Variants in GARNL3 observed in about 807,000 individuals in gnomAD.
GARNL3 encodes the protein GTPase-activating Rap/Ran-GAP domain-like protein 3.
A neutral mutation model predicts 125.0 loss-of-function variants in GARNL3; 63 were observed. The ratio of observed to expected loss-of-function variants is 0.50; its 90% CI spans 0.41 to 0.62. The LOEUF is 0.62. Among genes scored for constraint, GARNL3 ranks in the 20% least tolerant of loss-of-function variants. The pLI, the probability that GARNL3 is intolerant of heterozygous loss-of-function variation, is 0.00. For synonymous variants in GARNL3, 439 were observed against 457.5 expected (o/e 0.96, Z 0.52); for missense variants, 994 against 1,244.0 (o/e 0.80, Z 3.02).
At chr9:127,300,308 C>A (rs912388201) in intron 2 of GARNL3, 2 of 251,014 alleles carry the variant, frequency 8.0e-6, no homozygotes. Context: ...TTACATGTTT[C>A]TTCTCTGTTG....
intron 25 of GARNL3, among the ~76,000 whole-genome samples, chr9:127,387,633 C>G (rs1832613637): frequency 6.6e-6 from 1 of 151,190 alleles, no homozygotes; most frequent in African/African-American, 2.4e-5. Flanking sequence ...ATCCCAGCTA[C>G]TTGGGAGGCT....
chr9:127,338,022 G>C (rs1829646543), intron 11 of GARNL3, 94 bp from the exon 12 acceptor site: 1 of 921,144 alleles, frequency 1.1e-6, no homozygotes, highest in South Asian at 1.3e-5. Context: ...CAGAAGCGCT[G>C]GTCGAGAATG....
intron 2 of GARNL3, among the ~76,000 whole-genome samples, chr9:127,244,590 C>T (rs1209644283): frequency 6.6e-6 from 1 of 152,130 alleles, no homozygotes; most frequent in Non-Finnish European, 1.5e-5. Context: ...CGTTGAGAAA[C>T]GCTGCTCTTA....
intron 2 of GARNL3, among the ~76,000 whole-genome samples, chr9:127,302,259 C>T (rs1438384718): frequency 6.6e-6 from 1 of 152,018 alleles, no homozygotes; most frequent in Non-Finnish European, 1.5e-5. Flanking sequence ...CTGTTATACA[C>T]TGTTGGAGGA....
At chr9:127,294,020 G>A (rs912339181) in intron 2 of GARNL3, among the ~76,000 whole-genome samples, 1 of 152,100 alleles carries the variant, frequency 6.6e-6, no homozygotes, top group Non-Finnish European at 1.5e-5. Flanking sequence ...TGGTGGTGGA[G>A]GTGGTTTCTT....
intron 1 of GARNL3, among the ~76,000 whole-genome samples, chr9:127,283,341 G>A (rs2064151882): frequency 6.6e-6 from 1 of 152,188 alleles, no homozygotes; most frequent in Admixed American, 6.5e-5. Context: ...AATGTGACTA[G>A]TGCACTCAGG....
chr9:127,261,344 A>T (rs1006740587), upstream of GARNL3, among the ~76,000 whole-genome samples: 6 of 150,164 alleles, frequency 4.0e-5, no homozygotes, highest in Non-Finnish European at 7.4e-5. Context: ...AGTCCTCTCC[A>T]TTGCAGCTGG....
chr9:127,293,981 C>T (rs191227831), intron 2 of GARNL3, among the ~76,000 whole-genome samples: 7 of 152,270 alleles, frequency 4.6e-5, no homozygotes, highest in Admixed American at 2.6e-4. Context: ...CAGCTCTGCT[C>T]GGTGCTGTGA....
intron 7 of GARNL3, among the ~76,000 whole-genome samples, chr9:127,331,720 C>CTTGCTTTTTTTTTTTT (rs367597623): frequency 1.3e-5 from 1 of 74,414 alleles, no homozygotes; most frequent in African/African-American, 4.8e-5. Flanking sequence ...CTTGGGCTTG[C>CTTGCTTTTTTTTTTTT]TTTTTTTTTT....
intron 4 of GARNL3, among the ~76,000 whole-genome samples, chr9:127,315,083 A>G (rs1363667654): frequency 6.6e-6 from 1 of 152,256 alleles, no homozygotes; most frequent in South Asian, 2.1e-4. Context: ...GAGAAGTGCC[A>G]GTGCCTTCAC....
chr9:127,297,729 AT>A (rs1266185716), intron 2 of GARNL3, among the ~76,000 whole-genome samples: 2 of 152,352 alleles, frequency 1.3e-5, no homozygotes, highest in African/African-American at 4.8e-5. Flanking sequence ...GCAGAATCCC[AT>A]TTTTAAAATT....
intron 2 of GARNL3, among the ~76,000 whole-genome samples, chr9:127,254,949 G>T (rs563400823): frequency 1.3e-5 from 2 of 152,320 alleles, no homozygotes; most frequent in South Asian, 4.1e-4. Context: ...CCGTACCTCA[G>T]TGAGACACCA....
chr9:127,291,162 C>G lies in GARNL3; in HGVS notation c.145-6C>G, dbSNP rs1323232649. The G allele has an allele frequency of 6.2e-7, 1 of 1,613,782 alleles. No individual in the cohort carries two copies. Among genetic ancestry groups the G allele is most frequent in the Non-Finnish European group, 8.5e-7 (1 of 1,179,800 alleles). On this transcript the variant is annotated splice_region_variant and splice_polypyrimidine_tract_variant and intron_variant, in intron 1 of 27. Coordinates refer to ENST00000373387, the MANE Select transcript of GARNL3 (RefSeq NM_032293.5). ...GCTTCCTAATTGAATGCTTTTTCCC[C>G]CCTAGCTTATTTCCAGTGATGCTGA...
At chr9:127,286,067 T>C (rs1213156990) in intron 1 of GARNL3, among the ~76,000 whole-genome samples, 1 of 152,222 alleles carries the variant, frequency 6.6e-6, no homozygotes, top group Non-Finnish European at 1.5e-5. Flanking sequence ...AGTGCAGATC[T>C]GGATTGATCA....
At chr9:127,387,629 G>T (rs983808356) in intron 25 of GARNL3, among the ~76,000 whole-genome samples, 16 of 151,758 alleles carry the variant, frequency 1.1e-4, no homozygotes, top group Non-Finnish European at 7.4e-5. Context: ...TGTAATCCCA[G>T]CTACTTGGGA....
At chr9:127,258,167 A>G (rs1393442455) in intron 2 of GARNL3, among the ~76,000 whole-genome samples, 1 of 152,158 alleles carries the variant, frequency 6.6e-6, no homozygotes, top group Admixed American at 6.5e-5. Flanking sequence ...TACAAGGAAC[A>G]CATGGTATTG....
intron 1 of GARNL3, among the ~76,000 whole-genome samples, chr9:127,233,868 T>A (rs1007244259): frequency 2.6e-5 from 4 of 152,220 alleles, no homozygotes; most frequent in Non-Finnish European, 4.4e-5. Context: ...TTCTTCTTCC[T>A]TATGTTTCTT....
At chr9:127,322,813 T>C (rs2065443239) in intron 6 of GARNL3, among the ~76,000 whole-genome samples, 1 of 152,232 alleles carries the variant, frequency 6.6e-6, no homozygotes, top group Non-Finnish European at 1.5e-5. Flanking sequence ...TTTTAAATGT[T>C]ATTTGTCTGT....
intron 1 of GARNL3, among the ~76,000 whole-genome samples, chr9:127,234,381 G>A (rs2063073857): frequency 1.3e-5 from 2 of 152,180 alleles, no homozygotes; most frequent in African/African-American, 4.8e-5. Context: ...AGTGCTGTAG[G>A]AAAATTATAA....
Sources: gnomAD v4.1 joint callset for allele counts (sites outside exome capture counted in the v4.1 genomes callset) on GRCh38, gnomAD v4.1.1 for gene constraint, MANE v1.5 for transcripts, NCBI Gene and HGNC (gene_info 2026-07-23, HGNC 2026-07-21) for gene names.